The following COL4A4 variants were observed in gnomAD, a reference collection of about 807,000 sequenced individuals.
COL4A4 encodes the protein collagen alpha-4(IV) chain.
A neutral mutation model predicts 192.9 loss-of-function variants in COL4A4; 105 were observed. The ratio of observed to expected loss-of-function variants is 0.54; its 90% confidence interval spans 0.46 to 0.64. The LOEUF is 0.64. Ranked by LOEUF, COL4A4 falls within the 30% of genes least tolerant of loss-of-function variation. COL4A4 has a pLI of 0.00. For missense variants in COL4A4, 1,967 were observed against 2,169.3 expected, an observed-to-expected ratio of 0.91 and a Z score of 1.85; for synonymous variants, 762 against 769.9, an observed-to-expected ratio of 0.99 and a Z score of 0.17.
At chr2:227,109,754 A>G (rs1273940036) in intron 9 of COL4A4, among the ~76,000 whole-genome samples, 3 of 152,016 alleles carry the variant, frequency 2.0e-5, no homozygotes, top group Non-Finnish European at 4.4e-5. Flanking sequence ...TCAAAAAAAA[A>G]AAAAAAGCAC....
intron 25 of COL4A4, among the ~76,000 whole-genome samples, chr2:227,069,544 G>C (rs1307820199): frequency 6.6e-6 from 1 of 152,018 alleles, no homozygotes; most frequent in African/African-American, 2.4e-5. Context: ...GAACAGAACA[G>C]AGCCCTCAGA....
intron 24 of COL4A4, among the ~76,000 whole-genome samples, chr2:227,078,383 C>T (rs1307367627): frequency 6.6e-6 from 1 of 152,040 alleles, no homozygotes; most frequent in Non-Finnish European, 1.5e-5. Context: ...GCTGGGATTA[C>T]AGGCACCCAC....
chr2:227,043,011 G>A (rs1455250962), intron 36 of COL4A4, 66 bp downstream of exon 36: 7 of 1,163,764 alleles, frequency 6.0e-6, no homozygotes, highest in Non-Finnish European at 7.7e-6. Context: ...TTAAAGACTG[G>A]TGGTTTCTGA....
At position 227,133,755 on chromosome 2, in the gene COL4A4, G is replaced by A. The variant is rs141512256; in HGVS notation, c.192+6406C>T. Among the ~76,000 whole-genome samples, 14 of 152,242 alleles carry A rather than the reference G, an allele frequency of 9.2e-5. No individual in the cohort carries two copies. The East Asian group carries it at 2.1e-3, about 23-fold the overall frequency. On this transcript the variant is annotated intron_variant, in intron 4 of 47. Transcript: ENST00000396625. ...AAAAATACAAACATTAGCCAAGTGC[G>A]GTGGGGGTGCCTGTAGTCCCAGCTA...
the COL4A4 span, among the ~76,000 whole-genome samples, chr2:226,979,115 C>T: frequency 2.7e-3 from 405 of 152,210 alleles, 2 homozygotes; most frequent in Non-Finnish European, 4.1e-3. Context: ...CCAAAAGCCT[C>T]AAAACAAAGG....
intron 22 of COL4A4, among the ~76,000 whole-genome samples, chr2:227,082,834 A>G (rs1468271364): frequency 6.6e-6 from 1 of 152,248 alleles, no homozygotes; most frequent in African/African-American, 2.4e-5. Flanking sequence ...ATTTTGGCTG[A>G]CATGCTCATG....
At chr2:227,067,308 C>T (rs1236235915) in intron 25 of COL4A4, among the ~76,000 whole-genome samples, 4 of 152,024 alleles carry the variant, frequency 2.6e-5, no homozygotes, top group African/African-American at 4.8e-5. Context: ...GACAGATCAA[C>T]GAGACAGAAA....
At chr2:227,014,979 A>G (rs558166813) in intron 44 of COL4A4, among the ~76,000 whole-genome samples, 1 of 147,744 alleles carries the variant, frequency 6.8e-6, no homozygotes, top group East Asian at 2.0e-4. Context: ...GCTCACTGCA[A>G]CCTCCGCCTC....
At chr2:227,057,317 G>A (rs929347441) in intron 29 of COL4A4, 122 bp downstream of exon 29, 50 of 1,152,300 alleles carry the variant, frequency 4.3e-5, no homozygotes, top group Middle Eastern at 5.6e-4. Flanking sequence ...CATGAGTAAC[G>A]AAGTCCTTTG....
At chr2:227,162,639 T>G (rs1484219072) in intron 1 of COL4A4, among the ~76,000 whole-genome samples, 1 of 152,236 alleles carries the variant, frequency 6.6e-6, no homozygotes, top group Non-Finnish European at 1.5e-5. Context: ...TATGTGCTTT[T>G]TATTATTCTA....
chr2:227,095,375 C>G (rs1306412861), intron 19 of COL4A4, among the ~76,000 whole-genome samples: 1 of 152,140 alleles, frequency 6.6e-6, no homozygotes, highest in African/African-American at 2.4e-5. Flanking sequence ...GGACCTTAAG[C>G]AGTTTATTTA....
rs1280441510 is a variant in COL4A4 at position 227,002,726 on chromosome 2, A to G, written c.*4599T>C. On this transcript the variant is annotated 3_prime_UTR_variant, in exon 48 of 48. Coordinates refer to ENST00000396625, the MANE Select transcript of COL4A4 (RefSeq NM_000092.5). ...TAAAACACAGTTGTTTTTGGAAGTCATCACAGAATTTTATATATAATGAAC... is the reference window on the plus strand; with the variant it reads ...TAAAACACAGTTGTTTTTGGAAGTCGTCACAGAATTTTATATATAATGAAC... 1 of 152,672 alleles carries G rather than the reference A, an allele frequency of 6.5e-6. No individual in the cohort carries two copies. The highest frequency in any genetic ancestry group is 1.5e-5 in the Non-Finnish European group (1 of 68,042). The allele number at this position is 152,672 out of a possible 1,614,324, so 9.5% of individuals were successfully genotyped here.
the COL4A4 span, among the ~76,000 whole-genome samples, chr2:226,983,858 T>A: frequency 1.3e-5 from 2 of 152,062 alleles, no homozygotes; most frequent in African/African-American, 2.4e-5. Context: ...GAGAAAAAAA[T>A]AAAACAGGTC....
intron 6 of COL4A4, 84 bp from the exon 7 acceptor site, chr2:227,118,845 G>A (rs911252283): frequency 1.3e-5 from 11 of 874,112 alleles, no homozygotes; most frequent in Non-Finnish European, 2.1e-5. Context: ...CTCAAATTAT[G>A]GCAATTGTGA....
At chr2:227,103,725 CATA>C (rs1286296686) in intron 13 of COL4A4, among the ~76,000 whole-genome samples, 1 of 152,174 alleles carries the variant, frequency 6.6e-6, no homozygotes, top group African/African-American at 2.4e-5. Context: ...AAGCACATGT[CATA>C]ATTTAGCAGC....
chr2:226,992,687 G>C, the COL4A4 span, among the ~76,000 whole-genome samples: 1 of 152,194 alleles, frequency 6.6e-6, no homozygotes, highest in Non-Finnish European at 1.5e-5. Flanking sequence ...TCAGATAGCA[G>C]TGAGCTTCCC....
At chr2:227,060,056 A>G (rs550324735) in intron 27 of COL4A4, 80 bp downstream of exon 27, 5 of 910,858 alleles carry the variant, frequency 5.5e-6, no homozygotes, top group African/African-American at 1.7e-5. Flanking sequence ...GAAATTATCC[A>G]TCGGTAGAAA....
intron 26 of COL4A4, 67 bp from the exon 27 acceptor site, chr2:227,060,310 A>AT (rs1976634190): frequency 1.8e-6 from 2 of 1,109,236 alleles, no homozygotes; most frequent in Non-Finnish European, 2.7e-6. Context: ...AAATGAGATG[A>AT]TTTTCTTTAA....
chr2:227,077,856 C>CA, intron 25 of COL4A4, 38 bp downstream of exon 25: 1 of 1,557,466 alleles, frequency 6.4e-7, no homozygotes. Flanking sequence ...ACTTGTACCC[C>CA]AAAGCTATTG....
Sources: allele counts gnomAD v4.1 joint callset (sites outside exome capture counted in the v4.1 genomes callset), GRCh38; gene constraint gnomAD v4.1.1; transcripts MANE v1.5; gene names NCBI Gene and HGNC (gene_info 2026-07-23, HGNC 2026-07-21).